The following DAB1 variants were observed in gnomAD, a reference collection of about 807,000 sequenced individuals.
DAB1 encodes disabled homolog 1.
DAB1 carries 15 observed loss-of-function variants against 64.6 expected under a neutral mutation model. That is an observed-to-expected ratio of 0.23 (90% CI 0.16 to 0.36). The LOEUF (loss-of-function observed/expected upper bound fraction) is 0.36, where lower values mean the gene tolerates loss of function less well. DAB1 is among the 10% of genes least tolerant of loss of function. The pLI, the probability that DAB1 is intolerant of heterozygous loss-of-function variation, is 1.00. For synonymous variants in DAB1, 235 were observed against 251.9 expected, an observed-to-expected ratio of 0.93 and a Z score of 0.64; for missense variants, 596 against 706.7, an observed-to-expected ratio of 0.84 and a Z score of 1.78.
intron 5 of DAB1, among the ~76,000 whole-genome samples, chr1:57,938,484 C>G (rs758419655): frequency 6.6e-6 from 1 of 152,048 alleles, no homozygotes; most frequent in South Asian, 2.1e-4. Flanking sequence ...TGAGTTCTCA[C>G]GAAATCTGAT....
intron 4 of DAB1, among the ~76,000 whole-genome samples, chr1:58,300,630 G>GAC (rs1381883612): frequency 1.2e-3 from 87 of 70,918 alleles, no homozygotes; most frequent in African/African-American, 4.3e-3. Context: ...GAGAGAGAGA[G>GAC]AGAGAGAGAG....
chr1:58,294,253 CTG>C (rs1191948226), intron 4 of DAB1, among the ~76,000 whole-genome samples: 1 of 151,980 alleles, frequency 6.6e-6, no homozygotes, highest in Non-Finnish European at 1.5e-5. Flanking sequence ...TCCCAAATGC[CTG>C]AGGGAATTTG....
intron 1 of DAB1, among the ~76,000 whole-genome samples, chr1:57,420,630 C>T (rs1684822873): frequency 1.3e-5 from 2 of 152,326 alleles, no homozygotes; most frequent in African/African-American, 4.8e-5. Flanking sequence ...CTTTCTTGAA[C>T]AGAATTCCAT....
At chr1:57,208,006 G>A (rs1665728778) in intron 2 of DAB1, among the ~76,000 whole-genome samples, 2 of 152,148 alleles carry the variant, frequency 1.3e-5, no homozygotes, top group African/African-American at 4.8e-5. Flanking sequence ...CTTAGTTTGA[G>A]CTGCCCTAAA....
At chr1:58,037,977 G>A (rs1647072663) in intron 5 of DAB1, among the ~76,000 whole-genome samples, 1 of 152,102 alleles carries the variant, frequency 6.6e-6, no homozygotes, top group African/African-American at 2.4e-5. Flanking sequence ...ACTAATTCAA[G>A]TCATAACCAT....
chr1:57,956,214 A>C (rs796167497), intron 5 of DAB1, among the ~76,000 whole-genome samples: 1 of 152,220 alleles, frequency 6.6e-6, no homozygotes, highest in Non-Finnish European at 1.5e-5. Context: ...TCAAGAGAGA[A>C]GAGCTCAAGG....
At chr1:57,583,349 C>A (rs545432847) in intron 7 of DAB1, among the ~76,000 whole-genome samples, 1 of 147,734 alleles carries the variant, frequency 6.8e-6, no homozygotes, top group Non-Finnish European at 1.5e-5. Context: ...TGCAGTGGTG[C>A]GATCTCAGCT....
chr1:57,846,230 T>C (rs852793), intron 1 of DAB1, among the ~76,000 whole-genome samples: 84,267 of 151,792 alleles, frequency 0.56, 23,501 homozygotes, highest in Admixed American at 0.64. Flanking sequence ...GAGGCCGAGG[T>C]GGGCAGATCA....
At chr1:58,444,287 CAAA>C (rs1264400034) in intron 3 of DAB1, among the ~76,000 whole-genome samples, 2 of 152,226 alleles carry the variant, frequency 1.3e-5, no homozygotes, top group African/African-American at 4.8e-5. Flanking sequence ...TACTATGTGC[CAAA>C]CTGTTACAAG....
intron 2 of DAB1, among the ~76,000 whole-genome samples, chr1:57,187,456 A>C (rs1204211297): frequency 6.6e-6 from 1 of 152,194 alleles, no homozygotes; most frequent in African/African-American, 2.4e-5. Flanking sequence ...ATGATTCTGG[A>C]AAGTGTATAT....
chr1:58,431,783 G>A (rs1210289536), intron 3 of DAB1, among the ~76,000 whole-genome samples: 1 of 148,862 alleles, frequency 6.7e-6, no homozygotes, highest in Non-Finnish European at 1.5e-5. Context: ...GGACACATTT[G>A]TTGATCACCT....
At chr1:57,589,705 C>G (rs539920300) in intron 7 of DAB1, among the ~76,000 whole-genome samples, 1 of 151,756 alleles carries the variant, frequency 6.6e-6, no homozygotes, top group African/African-American at 2.4e-5. Flanking sequence ...TGCAATGAGC[C>G]GAAATCATGA....
rs1570510013 is a variant in DAB1 at position 58,226,323 on chromosome 1, C to T, written n.310-75735G>A. Reference sequence around the variant, plus strand: ...AGCACACTTTTTAGTTTAAAAAGTGCTTTCGCATGTTATGGCACTAGTTTT... The same window carrying T: ...AGCACACTTTTTAGTTTAAAAAGTGTTTTCGCATGTTATGGCACTAGTTTT... On this transcript the variant is annotated intron_variant and non_coding_transcript_variant, in intron 4 of 20. Transcript: ENST00000485760. 4.0e-5 allele frequency among the ~76,000 whole-genome samples: 6 copies of T among 151,828 alleles called. 1 individual carries two copies. The highest frequency in any genetic ancestry group is 3.9e-4 in the Admixed American group (6 of 15,252).
At chr1:57,146,237 C>T (rs1343011532) in intron 2 of DAB1, among the ~76,000 whole-genome samples, 8 of 152,130 alleles carry the variant, frequency 5.3e-5, no homozygotes, top group Non-Finnish European at 1.0e-4. Flanking sequence ...ATGATGAAGT[C>T]GAAGGTCACA....
At chr1:57,367,485 G>A (rs34088636) in intron 1 of DAB1, among the ~76,000 whole-genome samples, 3,943 of 152,242 alleles carry the variant, frequency 0.026, 72 homozygotes, top group African/African-American at 0.043. Flanking sequence ...AATGAAGGCA[G>A]TAACATCTAC....
chr1:57,138,591 T>G (rs905337347), intron 3 of DAB1, among the ~76,000 whole-genome samples: 4 of 152,156 alleles, frequency 2.6e-5, no homozygotes, highest in African/African-American at 9.7e-5. Context: ...CTTCAATCCC[T>G]CCCCGCATTC....
In DAB1 at chr1:57,917,860, T is replaced by G. The variant is rs562772970; in HGVS notation, n.388-33698A>C. On this transcript the variant is annotated intron_variant and non_coding_transcript_variant, in intron 5 of 20. Coordinates refer to the DAB1 transcript ENST00000485760. ...TTTTGAGACACCAGTAAATAGACAGTCTCCCATCTACCTCTTGTCCTGTAA... is the reference window on the plus strand; with the variant it reads ...TTTTGAGACACCAGTAAATAGACAGGCTCCCATCTACCTCTTGTCCTGTAA... Among the ~76,000 whole-genome samples, 74 of 152,188 alleles carry G rather than the reference T, an allele frequency of 4.9e-4. No homozygotes were observed. The South Asian group carries it at 0.015, about 30-fold the overall frequency.
At chr1:58,368,354 G>A (rs11580092) in intron 3 of DAB1, among the ~76,000 whole-genome samples, 42,278 of 151,970 alleles carry the variant, frequency 0.28, 7,140 homozygotes, top group Admixed American at 0.44. Flanking sequence ...CGTGGTAACC[G>A]AGAGTTCTGA....
chr1:57,139,831 G>T (rs987215913), intron 3 of DAB1, among the ~76,000 whole-genome samples: 1 of 152,158 alleles, frequency 6.6e-6, no homozygotes, highest in Non-Finnish European at 1.5e-5. Context: ...AAGAAGGATG[G>T]AAAAAGCCAA....
Sources: allele counts gnomAD v4.1 joint callset (sites outside exome capture counted in the v4.1 genomes callset), GRCh38; gene constraint gnomAD v4.1.1; transcripts MANE v1.5; gene names NCBI Gene and HGNC (gene_info 2026-07-23, HGNC 2026-07-21).